The following TSHZ2 variants were observed in gnomAD, a reference collection of about 807,000 sequenced individuals.
TSHZ2 encodes teashirt zinc finger homeobox 2, also known as teashirt homolog 2.
TSHZ2 carries 21 observed loss-of-function variants against 74.4 expected under a neutral mutation model. That is an observed-to-expected ratio of 0.28 (90% CI 0.20 to 0.41). The LOEUF (loss-of-function observed/expected upper bound fraction) is 0.41. TSHZ2 is among the 10% of genes least tolerant of loss of function. TSHZ2 has a pLI of 1.00. For synonymous variants in TSHZ2, 540 were observed against 515.3 expected, an observed-to-expected ratio of 1.05 and a Z score of -0.65; for missense variants, 1,244 against 1,293.5, an observed-to-expected ratio of 0.96 and a Z score of 0.59.
chr20:53,463,692 G>A (rs534347896), intron 2 of TSHZ2, among the ~76,000 whole-genome samples: 34 of 152,258 alleles, frequency 2.2e-4, no homozygotes, highest in African/African-American at 7.0e-4. Context: ...TCATACCCTG[G>A]ACTAGTCAAG....
intron 2 of TSHZ2, among the ~76,000 whole-genome samples, chr20:53,283,557 G>C (rs1002937388): frequency 2.6e-5 from 4 of 152,170 alleles, no homozygotes; most frequent in African/African-American, 4.8e-5. Context: ...GGGAAGCAGA[G>C]TTATAATTTT....
At chr20:53,359,147 T>G (rs548409622) in intron 2 of TSHZ2, among the ~76,000 whole-genome samples, 90 of 152,302 alleles carry the variant, frequency 5.9e-4, no homozygotes, top group African/African-American at 2.0e-3. Flanking sequence ...TAGACATTAT[T>G]TCATCATTCG....
At chr20:53,412,226 G>C (rs1404753338) in intron 2 of TSHZ2, among the ~76,000 whole-genome samples, 2 of 152,142 alleles carry the variant, frequency 1.3e-5, no homozygotes, top group African/African-American at 4.8e-5. Flanking sequence ...TTGGAGAAGG[G>C]CTCGATTCTT....
chr20:53,202,691 G>A (rs1016752941), intron 1 of TSHZ2, among the ~76,000 whole-genome samples: 12 of 152,146 alleles, frequency 7.9e-5, no homozygotes, highest in African/African-American at 2.7e-4. Flanking sequence ...CTAAATCTTT[G>A]CTCTTGAATT....
intron 2 of TSHZ2, among the ~76,000 whole-genome samples, chr20:53,364,517 A>AT (rs1462856810): frequency 6.6e-6 from 1 of 152,172 alleles, no homozygotes; most frequent in African/African-American, 2.4e-5. Flanking sequence ...CAAATCACAG[A>AT]TTAGGATTAC....
chr20:53,214,648 G>A (rs777132617), intron 1 of TSHZ2, among the ~76,000 whole-genome samples: 2 of 152,286 alleles, frequency 1.3e-5, no homozygotes, highest in South Asian at 2.1e-4. Flanking sequence ...GGGAGGTGGA[G>A]GCCGAGGTGA....
intron 1 of TSHZ2, among the ~76,000 whole-genome samples, chr20:52,985,323 G>A (rs1275169021): frequency 6.6e-6 from 1 of 152,104 alleles, no homozygotes; most frequent in Non-Finnish European, 1.5e-5. Flanking sequence ...TTTTTTATGA[G>A]GATTAATTGA....
chr20:53,256,230 C>T lies in TSHZ2; in HGVS notation c.2772C>T (p.Pro924=). The T allele has an allele frequency of 6.2e-7, 1 of 1,613,876 alleles. No homozygotes were observed. The highest frequency in any genetic ancestry group is 8.5e-7 in the Non-Finnish European group (1 of 1,179,818). The change falls in exon 2 of 3, where the codon CCC becomes CCT. Residue 924 remains proline, a synonymous_variant. Coordinates refer to ENST00000371497, the MANE Select transcript of TSHZ2 (RefSeq NM_173485.6). The surrounding 1 kb of genome is among the most constrained non-coding windows in gnomAD (Gnocchi z 4.3). The part of the protein sequence containing the change: ...KFLKNMDKGH[P]IFYCSDCASQ... ...TGAAAAACATGGACAAAGGCCACCC[C>T]ATCTTTTATTGCAGTGACTGTGCCT...
At chr20:53,165,093 G>GTGGATGGA (rs536305001) in intron 1 of TSHZ2, among the ~76,000 whole-genome samples, 55 of 151,946 alleles carry the variant, frequency 3.6e-4, no homozygotes, top group African/African-American at 1.2e-3. Flanking sequence ...GGATGGAAGG[G>GTGGATGGA]TGGATGGATG....
chr20:53,128,573 G>A (rs1987012943), intron 1 of TSHZ2, among the ~76,000 whole-genome samples: 1 of 152,100 alleles, frequency 6.6e-6, no homozygotes. Flanking sequence ...ATTATTTGGG[G>A]TATCAATTCG....
intron 1 of TSHZ2, among the ~76,000 whole-genome samples, chr20:53,160,428 A>C (rs550847525): frequency 6.6e-6 from 1 of 152,116 alleles, no homozygotes; most frequent in Non-Finnish European, 1.5e-5. Flanking sequence ...AGGCATTTAC[A>C]GTATTGCTGG....
chr20:53,285,118 C>T (rs771018869), intron 2 of TSHZ2, among the ~76,000 whole-genome samples: 2 of 152,094 alleles, frequency 1.3e-5, no homozygotes, highest in Non-Finnish European at 2.9e-5. Context: ...TTGTAGCTAC[C>T]ACCATTTCCC....
intron 2 of TSHZ2, among the ~76,000 whole-genome samples, chr20:53,359,094 A>G (rs1980957695): frequency 6.6e-6 from 1 of 152,088 alleles, no homozygotes; most frequent in Non-Finnish European, 1.5e-5. Flanking sequence ...TTAATCTGTA[A>G]GTACTATTTT....
Position 53,340,551 on chromosome 20 carries a change from T to C in TSHZ2, c.*8+83980T>C, listed in dbSNP as rs187897938. On this transcript the variant is annotated intron_variant, in intron 2 of 2. Transcript: ENST00000371497. ...CAATGAGCCCTATATCATCATCCTT[T>C]CAAAATATTCTACACAGGTTATTTC... 2.1e-3 allele frequency among the ~76,000 whole-genome samples: 320 copies of C among 152,270 alleles called. 5 individuals are homozygous for C. The highest frequency in any genetic ancestry group is 3.9e-3 in the South Asian group (19 of 4,826).
chr20:53,381,746 G>A (rs1286685845), intron 2 of TSHZ2, among the ~76,000 whole-genome samples: 1 of 152,144 alleles, frequency 6.6e-6, no homozygotes, highest in Non-Finnish European at 1.5e-5. Flanking sequence ...CGATTTGTCT[G>A]GTCCTCAGTG....
chr20:53,339,274 T>C (rs1312759211), intron 2 of TSHZ2, among the ~76,000 whole-genome samples: 1 of 152,132 alleles, frequency 6.6e-6, no homozygotes, highest in Non-Finnish European at 1.5e-5. Context: ...TACCAGGCCC[T>C]ATGCAGGGAG....
chr20:53,117,814 C>A (rs1296387961), intron 1 of TSHZ2, among the ~76,000 whole-genome samples: 2 of 152,188 alleles, frequency 1.3e-5, no homozygotes, highest in African/African-American at 4.8e-5. Context: ...TCTCTGTTCC[C>A]ATCTTTTGGC....
chr20:53,193,485 T>C (rs1037660348), intron 1 of TSHZ2, among the ~76,000 whole-genome samples: 1 of 152,098 alleles, frequency 6.6e-6, no homozygotes, highest in African/African-American at 2.4e-5. Context: ...ATCCTATTTG[T>C]TCTCTCTTTT....
At chr20:53,450,063 T>C (rs1448268354) in intron 2 of TSHZ2, among the ~76,000 whole-genome samples, 1 of 152,250 alleles carries the variant, frequency 6.6e-6, no homozygotes, top group Non-Finnish European at 1.5e-5. Flanking sequence ...AATACATCAA[T>C]GAATGAACAT....
Sources: gnomAD v4.1 joint callset for allele counts (sites outside exome capture counted in the v4.1 genomes callset) on GRCh38, gnomAD v4.1.1 for gene constraint, Gnocchi (gnomAD v3.1) non-coding constraint, MANE v1.5 for transcripts, NCBI Gene and HGNC (gene_info 2026-07-23, HGNC 2026-07-21) for gene names.